Variants in PTK2B observed in about 807,000 individuals in gnomAD.
PTK2B encodes protein-tyrosine kinase 2-beta.
Under a neutral mutation model 142.9 loss-of-function variants are expected in PTK2B, and 71 were observed. The ratio of observed to expected loss-of-function variants is 0.50; its 90% CI spans 0.41 to 0.61. The LOEUF is 0.61. Ranked by LOEUF, PTK2B falls within the 20% of genes least tolerant of loss-of-function variation. PTK2B has a pLI of 0.00. For missense variants in PTK2B, 1,105 were observed against 1,320.4 expected, an observed-to-expected ratio of 0.84 and a Z score of 2.53; for synonymous variants, 519 against 503.4, an observed-to-expected ratio of 1.03 and a Z score of -0.42.
At chr8:27,407,230 C>T (rs1455738892) in intron 2 of PTK2B, among the ~76,000 whole-genome samples, 2 of 152,106 alleles carry the variant, frequency 1.3e-5, no homozygotes, top group African/African-American at 2.4e-5. Flanking sequence ...CTCTACTTCC[C>T]GTCTTCACAC....
At chr8:27,432,452 A>G (rs1810497477) in intron 10 of PTK2B, 91 bp downstream of exon 10, 2 of 1,210,392 alleles carry the variant, frequency 1.7e-6, no homozygotes, top group African/African-American at 1.5e-5. Context: ...AGTCTGTGAC[A>G]CACAGGAAGC....
chr8:27,435,825 G>C (rs773638229), intron 14 of PTK2B, 32 bp downstream of exon 14: 10 of 1,605,720 alleles, frequency 6.2e-6, no homozygotes, highest in Non-Finnish European at 8.5e-6. Flanking sequence ...AGCGACCGTA[G>C]TCAAGGCCCT....
intron 8 of PTK2B, 62 bp downstream of exon 8, chr8:27,431,078 G>A (rs34032878): frequency 2.4e-5 from 38 of 1,571,722 alleles, no homozygotes; most frequent in Admixed American, 3.5e-5. Context: ...GGAAAAGGGG[G>A]CCAGGAGGGG....
At chr8:27,335,613 A>G (rs904735948) in intron 1 of PTK2B, among the ~76,000 whole-genome samples, 27 of 151,674 alleles carry the variant, frequency 1.8e-4, no homozygotes, top group African/African-American at 2.7e-4. Context: ...AAAAAAAAAA[A>G]AGAGAAAAGA....
chr8:27,387,704 T>A (rs2131255102), intron 1 of PTK2B, among the ~76,000 whole-genome samples: 1 of 152,330 alleles, frequency 6.6e-6, no homozygotes, highest in African/African-American at 2.4e-5. Context: ...TACATTAACT[T>A]TTTTTGGCAG....
upstream of PTK2B, chr8:27,323,434 TCCCC>T (rs35760714): frequency 6.6e-6 from 1 of 152,258 alleles, no homozygotes; most frequent in Non-Finnish European, 1.5e-5. Context: ...CAGGTATGCA[TCCCC>T]CCAACACCCC....
At position 27,397,695 on chromosome 8, in the gene PTK2B, C is replaced by T. The variant is rs142121795; in HGVS notation, c.111C>T (p.Asp37=). The change falls in exon 2 of 31, where the codon GAC becomes GAT. Residue 37 remains aspartate (D), a synonymous_variant. Transcript: ENST00000346049. ...TACCAGTAGATGTGGAAAAGGAGGA[C>T]GTGCGTATCCTCAAGGTCTGCTTCT... ...VVVPVDVEKE[D]VRILKVCFYS... 2.1e-5 allele frequency: 34 copies of T among 1,614,250 alleles called. No homozygotes were observed. In the African/African-American group the frequency reaches 2.8e-4, roughly 13 times the overall value.
rs186908748 is a variant in PTK2B, at chr8:27,363,043, C to T, written c.-37-34505C>T. Among the ~76,000 whole-genome samples the T allele has an allele frequency of 1.4e-3, 208 of 152,340 alleles. 1 individual carries two copies. Among genetic ancestry groups the T allele is most frequent in the African/African-American group, 4.7e-3 (196 of 41,590 alleles). On this transcript the variant is annotated intron_variant, in intron 1 of 30. Transcript: ENST00000346049. The surrounding 1 kb of genome is among the most constrained non-coding windows in gnomAD (Gnocchi z 4.3). ...AAGCAGCTCCTTGGATAGCATCACTCCTGTTCTCGTCATGGTGGAAAATGA... is the reference window on the plus strand; with the variant it reads ...AAGCAGCTCCTTGGATAGCATCACTTCTGTTCTCGTCATGGTGGAAAATGA...
chr8:27,395,704 A>G (rs1303223472), intron 1 of PTK2B, among the ~76,000 whole-genome samples: 2 of 152,186 alleles, frequency 1.3e-5, no homozygotes, highest in African/African-American at 2.4e-5. Context: ...GGTGGGGTCC[A>G]TTCTTTCCTG....
rs1355243882 is a variant in PTK2B at position 27,419,881 on chromosome 8, C to A, written c.205-14C>A. 1 of 1,613,864 alleles carries A rather than the reference C, an allele frequency of 6.2e-7. No homozygotes were observed. Among genetic ancestry groups the A allele is most frequent in the Admixed American group, 1.7e-5 (1 of 60,026 alleles). ...GGGCACCCCTGAGTCATGCCTCTCT[C>A]TTCTCCTCTGCAGGAGATCATCACC... On this transcript the variant is annotated splice_polypyrimidine_tract_variant and intron_variant, in intron 2 of 30. Coordinates refer to ENST00000346049, the MANE Select transcript of PTK2B (RefSeq NM_173176.3).
At chr8:27,439,187 A>C in intron 19 of PTK2B, 56 bp downstream of exon 19, 6 of 1,578,584 alleles carry the variant, frequency 3.8e-6, no homozygotes, top group Non-Finnish European at 5.2e-6. Flanking sequence ...GAAGCCAAAA[A>C]TTCCAGAAGA....
intron 7 of PTK2B, 103 bp downstream of exon 7, chr8:27,430,521 G>C (rs1182521000): frequency 8.9e-6 from 13 of 1,465,908 alleles, no homozygotes; most frequent in South Asian, 1.2e-5. Flanking sequence ...CAGGGTATCT[G>C]CGCGGCCTCG....
At chr8:27,403,357 A>G (rs1808494678) in intron 2 of PTK2B, among the ~76,000 whole-genome samples, 1 of 151,978 alleles carries the variant, frequency 6.6e-6, no homozygotes, top group Admixed American at 6.6e-5. Flanking sequence ...CTCCATGCAT[A>G]TTTGCTGATT....
At chr8:27,393,447 A>G (rs1319479688) in intron 1 of PTK2B, among the ~76,000 whole-genome samples, 2 of 152,050 alleles carry the variant, frequency 1.3e-5, no homozygotes, top group African/African-American at 4.8e-5. Flanking sequence ...CTCTTGAATC[A>G]GGGGCCAAGG....
intron 5 of PTK2B, among the ~76,000 whole-genome samples, chr8:27,423,554 G>C (rs905495304): frequency 3.3e-5 from 5 of 152,146 alleles, no homozygotes; most frequent in Non-Finnish European, 5.9e-5. Context: ...ATGACTTTCA[G>C]GATGACTGCC....
intron 24 of PTK2B, among the ~76,000 whole-genome samples, 188 bp downstream of exon 24, chr8:27,446,107 C>G (rs1359241756): frequency 6.6e-6 from 1 of 152,226 alleles, no homozygotes; most frequent in Non-Finnish European, 1.5e-5. Flanking sequence ...GGCTGGCAGC[C>G]ACACCAGGCC....
At chr8:27,354,785 G>A (rs1805301867) in intron 1 of PTK2B, among the ~76,000 whole-genome samples, 1 of 152,056 alleles carries the variant, frequency 6.6e-6, no homozygotes, top group African/African-American at 2.4e-5. Flanking sequence ...TGTCTCATTG[G>A]CCTGCTTGTA....
At chr8:27,448,246 T>C (rs561740757) in intron 24 of PTK2B, among the ~76,000 whole-genome samples, 1 of 152,346 alleles carries the variant, frequency 6.6e-6, no homozygotes, top group African/African-American at 2.4e-5. Context: ...GGAAGGGTAC[T>C]TGTGGATGTG....
chr8:27,443,089 T>G, intron 22 of PTK2B, 106 bp downstream of exon 22: 1 of 689,936 alleles, frequency 1.4e-6, no homozygotes, highest in Non-Finnish European at 2.6e-6. Flanking sequence ...CCTACAGCCC[T>G]TTCTCAGTCC....
Sources: allele counts gnomAD v4.1 joint callset (sites outside exome capture counted in the v4.1 genomes callset), GRCh38; gene constraint gnomAD v4.1.1; non-coding constraint Gnocchi (gnomAD v3.1); transcripts MANE v1.5; gene names NCBI Gene and HGNC (gene_info 2026-07-23, HGNC 2026-07-21).